Variants in KCNIP4 observed in about 807,000 individuals in gnomAD.
The protein encoded by KCNIP4 is potassium voltage-gated channel interacting protein 4, also known as Kv channel-interacting protein 4.
KCNIP4 carries 12 observed loss-of-function variants against 34.0 expected under a neutral mutation model. The observed-to-expected ratio is 0.35, with a 90% CI of 0.23 to 0.57. KCNIP4 has a LOEUF of 0.57. KCNIP4 is among the 20% of genes least tolerant of loss of function. The probability of loss-of-function intolerance (pLI) is 0.83; values close to 1 mark genes in which losing one functional copy is unlikely to be tolerated. For synonymous variants in KCNIP4, 124 were observed against 102.2 expected, an observed-to-expected ratio of 1.21 and a Z score of -1.29; for missense variants, 238 against 311.7, an observed-to-expected ratio of 0.76 and a Z score of 1.78.
intron 1 of KCNIP4, among the ~76,000 whole-genome samples, chr4:21,628,321 A>C (rs555077671): frequency 6.6e-6 from 1 of 152,156 alleles, no homozygotes. Context: ...GCATACCTCA[A>C]TCCTGCCGAG....
Position 21,501,244 on chromosome 4 carries a change from T to TCACACACACA in KCNIP4, c.61+447326_61+447327insTGTGTGTGTG, listed in dbSNP as rs755377009. 4.6e-3 allele frequency among the ~76,000 whole-genome samples: 649 copies of TCACACACACA among 142,460 alleles called. 6 individuals carry two copies. Among genetic ancestry groups the TCACACACACA allele is most frequent in the African/African-American group, 0.017 (614 of 36,060 alleles). The allele number at this position is 142,460 out of a possible 152,430, so 93.5% of individuals were successfully genotyped here. A position where few individuals can be genotyped will look rare whatever the true frequency, so the allele number is the denominator to read the frequency against. On this transcript the variant is annotated intron_variant, in intron 1 of 8. Coordinates refer to ENST00000382152, the MANE Select transcript of KCNIP4 (RefSeq NM_025221.6). ...GCCTTTCTCTCTCTCTCTCTCTCTC[T>TCACACACACA]CTCTCACACACACACACACACACAC...
intron 1 of KCNIP4, among the ~76,000 whole-genome samples, chr4:20,918,203 G>A (rs1483890122): frequency 6.6e-6 from 1 of 151,998 alleles, no homozygotes; most frequent in African/African-American, 2.4e-5. Flanking sequence ...TCAAGCAGAT[G>A]AGGTGTTAAT....
At chr4:21,083,796 C>A (rs1294986862) in intron 1 of KCNIP4, among the ~76,000 whole-genome samples, 2 of 151,900 alleles carry the variant, frequency 1.3e-5, no homozygotes, top group African/African-American at 4.8e-5. Context: ...TTACAATAGT[C>A]ACAGGAAACT....
At chr4:21,587,753 C>G (rs1741754482) in intron 1 of KCNIP4, among the ~76,000 whole-genome samples, 1 of 152,018 alleles carries the variant, frequency 6.6e-6, no homozygotes, top group African/African-American at 2.4e-5. Context: ...GTATAAGAAA[C>G]TGGTTCTTCA....
intron 1 of KCNIP4, among the ~76,000 whole-genome samples, chr4:21,239,732 T>C (rs939015026): frequency 6.6e-6 from 1 of 152,130 alleles, no homozygotes; most frequent in African/African-American, 2.4e-5. Flanking sequence ...CAACAGGTGC[T>C]GGAGAGGATG....
At chr4:21,230,112 G>A (rs1260393255) in intron 1 of KCNIP4, among the ~76,000 whole-genome samples, 1 of 152,058 alleles carries the variant, frequency 6.6e-6, no homozygotes, top group Non-Finnish European at 1.5e-5. Flanking sequence ...GAGATTTGAG[G>A]ATAGAGAGAC....
chr4:21,532,181 G>A (rs1325737171), intron 1 of KCNIP4, among the ~76,000 whole-genome samples: 2 of 152,076 alleles, frequency 1.3e-5, no homozygotes, highest in African/African-American at 2.4e-5. Flanking sequence ...TAATGAGATA[G>A]ATGCACATTT....
chr4:21,826,215 A>G (rs774440422), intron 1 of KCNIP4, among the ~76,000 whole-genome samples: 6 of 152,198 alleles, frequency 3.9e-5, no homozygotes, highest in Non-Finnish European at 7.3e-5. Context: ...TGAAATCTAC[A>G]TAAGTCATTT....
intron 1 of KCNIP4, among the ~76,000 whole-genome samples, chr4:20,906,536 T>G (rs1163243616): frequency 1.3e-5 from 2 of 152,134 alleles, no homozygotes; most frequent in African/African-American, 4.8e-5. Flanking sequence ...GAGAGAGCAG[T>G]CAAAACTTTC....
chr4:21,422,984 G>A (rs1436729317), intron 1 of KCNIP4, among the ~76,000 whole-genome samples: 1 of 152,108 alleles, frequency 6.6e-6, no homozygotes, highest in Non-Finnish European at 1.5e-5. Flanking sequence ...AGTAATGAAT[G>A]CCATTACATA....
intron 1 of KCNIP4, among the ~76,000 whole-genome samples, chr4:21,683,569 C>A (rs1428251271): frequency 6.8e-6 from 1 of 146,682 alleles, no homozygotes; most frequent in Admixed American, 6.9e-5. Context: ...CCCGGGTTCA[C>A]GCCATTCTCC....
chr4:21,729,476 C>A (rs557635971), intron 1 of KCNIP4, among the ~76,000 whole-genome samples: 1 of 152,264 alleles, frequency 6.6e-6, no homozygotes, highest in African/African-American at 2.4e-5. Flanking sequence ...AGATGCAAGA[C>A]TTCTGTGACG....
chr4:21,825,377 T>A (rs1446544891), intron 1 of KCNIP4, among the ~76,000 whole-genome samples: 2 of 152,174 alleles, frequency 1.3e-5, no homozygotes, highest in African/African-American at 4.8e-5. Context: ...TTTACCATGG[T>A]AACTGCTTCC....
chr4:20,790,121 T>C (rs1013537780), intron 3 of KCNIP4, among the ~76,000 whole-genome samples: 1 of 152,186 alleles, frequency 6.6e-6, no homozygotes, highest in East Asian at 1.9e-4. Flanking sequence ...TGCAAACTTG[T>C]ACTGCATGTA....
chr4:21,454,231 C>T (rs139983167), intron 1 of KCNIP4, among the ~76,000 whole-genome samples: 31 of 152,188 alleles, frequency 2.0e-4, no homozygotes, highest in East Asian at 1.9e-3. Flanking sequence ...ACAGTGCCAA[C>T]GCTGCTGAAC....
chr4:20,884,062 C>G (rs756093888), intron 1 of KCNIP4, among the ~76,000 whole-genome samples: 1 of 152,168 alleles, frequency 6.6e-6, no homozygotes, highest in Admixed American at 6.5e-5. Flanking sequence ...GGCCTTGACA[C>G]TTATGTGGTA....
At chr4:21,778,638 T>C (rs539208905) in intron 1 of KCNIP4, among the ~76,000 whole-genome samples, 54 of 152,308 alleles carry the variant, frequency 3.5e-4, no homozygotes, top group Non-Finnish European at 7.5e-4. Context: ...ATTACAAATA[T>C]CATTTTTAGA....
intron 1 of KCNIP4, among the ~76,000 whole-genome samples, chr4:21,015,753 TATAA>T (rs1577538533): frequency 1.5e-5 from 2 of 136,342 alleles, no homozygotes; most frequent in Admixed American, 1.6e-4. Context: ...TAATATGATA[TATAA>T]ATATATACAA....
chr4:21,636,134 T>G, intron 1 of KCNIP4, among the ~76,000 whole-genome samples: 1 of 91,216 alleles, frequency 1.1e-5, no homozygotes, highest in Non-Finnish European at 2.1e-5. Flanking sequence ...CTCTGGGGAC[T>G]GTTGTGGGGT....
Sources: gnomAD v4.1 joint callset for allele counts (sites outside exome capture counted in the v4.1 genomes callset) on GRCh38, gnomAD v4.1.1 for gene constraint, MANE v1.5 for transcripts, NCBI Gene and HGNC (gene_info 2026-07-23, HGNC 2026-07-21) for gene names.